Variants in UNC5C observed in about 807,000 individuals in gnomAD.
UNC5C encodes unc-5 netrin receptor C.
A neutral mutation model predicts 99.8 loss-of-function variants in UNC5C; 47 were observed. That is an observed-to-expected ratio of 0.47 (90% CI 0.37 to 0.60). The LOEUF (loss-of-function observed/expected upper bound fraction) is 0.60. Ranked by LOEUF, UNC5C falls within the 20% of genes least tolerant of loss-of-function variation. The pLI, the probability that UNC5C is intolerant of heterozygous loss-of-function variation, is 0.00. For missense variants in UNC5C, 1,062 were observed against 1,165.9 expected (o/e 0.91, Z 1.30); for synonymous variants, 487 against 452.2 (o/e 1.08, Z -0.98).
intron 3 of UNC5C, among the ~76,000 whole-genome samples, chr4:95,300,294 T>C (rs556705419): frequency 2.0e-5 from 3 of 152,332 alleles, no homozygotes; most frequent in African/African-American, 4.8e-5. Context: ...GGTGATAACA[T>C]GCATATTAGT....
In UNC5C at chr4:95,163,100, A is replaced by C. The variant is rs539212452; in HGVS notation, c.*6134T>G. ...TCCCTGCAACTGGGCTCGATGCATT[A>C]TGTCTGGAGGGCGAGGGCTGCGCTA... is the stretch of plus-strand genomic sequence containing the variant. On this transcript the variant is annotated 3_prime_UTR_variant, in exon 16 of 16. Coordinates refer to ENST00000453304, the MANE Select transcript of UNC5C (RefSeq NM_003728.4). 2 of 152,278 alleles carry C rather than the reference A, an allele frequency of 1.3e-5. No homozygotes were observed. Among genetic ancestry groups the C allele is most frequent in the Non-Finnish European group, 2.9e-5 (2 of 68,106 alleles). The allele number at this position is 152,278 out of a possible 1,614,324, so 9.4% of individuals were successfully genotyped here. A position where few individuals can be genotyped will look rare whatever the true frequency, so the allele number is the denominator to read the frequency against.
chr4:95,478,589 G>A (rs1414170354), intron 1 of UNC5C, among the ~76,000 whole-genome samples: 2 of 152,068 alleles, frequency 1.3e-5, no homozygotes, highest in South Asian at 2.1e-4. Flanking sequence ...TGACACTGAT[G>A]TGTATGTATC....
intron 1 of UNC5C, among the ~76,000 whole-genome samples, chr4:95,482,898 T>C (rs1157442998): frequency 7.5e-6 from 1 of 132,452 alleles, no homozygotes. Context: ...TTAGGAGATA[T>C]ACCTAATGCT....
chr4:95,548,707 G>A, intron 1 of UNC5C, 27 bp downstream of exon 1: 2 of 1,609,744 alleles, frequency 1.2e-6, no homozygotes, highest in Middle Eastern at 1.7e-4. Context: ...AAGGGAGGTG[G>A]CCGCGGAGCT....
chr4:95,493,910 A>T (rs2149482185), intron 1 of UNC5C, among the ~76,000 whole-genome samples: 1 of 151,620 alleles, frequency 6.6e-6, no homozygotes, highest in Non-Finnish European at 1.5e-5. Flanking sequence ...TGTACAGTTA[A>T]TATTCTCTAT....
intron 4 of UNC5C, among the ~76,000 whole-genome samples, chr4:95,256,713 T>C (rs759167963): frequency 1.4e-4 from 20 of 143,848 alleles, no homozygotes; most frequent in Non-Finnish European, 3.0e-4. Flanking sequence ...TATATATATA[T>C]ATATATATGA....
rs376263389 is a variant in UNC5C, at chr4:95,185,223, G to A, written c.2137-27C>T. 38 of 1,579,020 alleles carry A rather than the reference G, an allele frequency of 2.4e-5. No individual in the cohort carries two copies. In the African/African-American group the frequency reaches 2.9e-4, roughly 12 times the overall value. ...TATAATGACATGCCCCAAACCCAAA[G>A]CACGTTATTGATTTGGATCACTTCT... On this transcript the variant is annotated intron_variant, in intron 12 of 15. Transcript: ENST00000453304.
At position 95,206,539 on chromosome 4, in the gene UNC5C, G is replaced by A; in HGVS notation, c.1902+89C>T. 3.2e-6 allele frequency: 5 copies of A among 1,566,328 alleles called. No individual in the cohort carries two copies. The South Asian group carries it at 3.6e-5, about 11-fold the overall frequency. ...TGAGCTAAAATTCCACTCATGTTTT[G>A]CTTTATAAATAAAAGGCCTCCCATA... On this transcript the variant is annotated intron_variant, in intron 11 of 15. Coordinates refer to ENST00000453304, the MANE Select transcript of UNC5C (RefSeq NM_003728.4).
rs1387514660 is a variant in UNC5C, at chr4:95,164,586, T to C, written c.*4648A>G. ...ACTCGAGAGGTAAAAAAATGTTTTG[T>C]TAACTTGAGATAATAAAATATTTTC... is the stretch of plus-strand genomic sequence containing the variant. On this transcript the variant is annotated 3_prime_UTR_variant, in exon 16 of 16. Transcript: ENST00000453304. 1 of 152,220 alleles carries C rather than the reference T, an allele frequency of 6.6e-6. No homozygotes were observed. The highest frequency in any genetic ancestry group is 1.5e-5 in the Non-Finnish European group (1 of 68,038). The allele number at this position is 152,220 out of a possible 1,614,324, so 9.4% of individuals were successfully genotyped here. A position where few individuals can be genotyped will look rare whatever the true frequency, so the allele number is the denominator to read the frequency against.
At chr4:95,539,080 A>G (rs1285226543) in intron 1 of UNC5C, among the ~76,000 whole-genome samples, 3 of 152,216 alleles carry the variant, frequency 2.0e-5, no homozygotes, top group Non-Finnish European at 4.4e-5. Flanking sequence ...CTCTTCTTCA[A>G]TCAGCCCACA....
chr4:95,217,847 A>G (rs1207690403), intron 9 of UNC5C, among the ~76,000 whole-genome samples: 1 of 152,246 alleles, frequency 6.6e-6, no homozygotes, highest in Non-Finnish European at 1.5e-5. Flanking sequence ...TCATGATTTT[A>G]AAGAGCATGC....
chr4:95,408,415 G>T lies in UNC5C; in HGVS notation c.125-72784C>A, dbSNP rs1184777083. Among the ~76,000 whole-genome samples, 5 of 152,050 alleles carry T rather than the reference G, an allele frequency of 3.3e-5. No homozygotes were observed. The South Asian group carries it at 1.0e-3, about 31-fold the overall frequency. On this transcript the variant is annotated intron_variant, in intron 1 of 15. Transcript: ENST00000453304. ...AAATGCATTCAGTCTGTTTTCATTAGTGCTTTTGTCTTTGGAGTCAATCAT... is the reference window on the plus strand; with the variant it reads ...AAATGCATTCAGTCTGTTTTCATTATTGCTTTTGTCTTTGGAGTCAATCAT...
chr4:95,534,847 A>G (rs1420492157), intron 1 of UNC5C, among the ~76,000 whole-genome samples: 1 of 152,080 alleles, frequency 6.6e-6, no homozygotes, highest in African/African-American at 2.4e-5. Context: ...TTGCTTGGAA[A>G]TTTCAGTTTA....
At chr4:95,287,424 C>T (rs867818431) in intron 3 of UNC5C, among the ~76,000 whole-genome samples, 4 of 152,252 alleles carry the variant, frequency 2.6e-5, no homozygotes, top group African/African-American at 4.8e-5. Context: ...ACATTCTTTT[C>T]GGAACCAATG....
At position 95,361,837 on chromosome 4, in the gene UNC5C, C is replaced by T. The variant is rs116371773; in HGVS notation, c.125-26206G>A. Among the ~76,000 whole-genome samples the T allele has an allele frequency of 4.8e-3, 736 of 152,140 alleles. 5 individuals carry two copies. The highest frequency in any genetic ancestry group is 0.017 in the African/African-American group (706 of 41,512). On this transcript the variant is annotated intron_variant, in intron 1 of 15. Coordinates refer to ENST00000453304, the MANE Select transcript of UNC5C (RefSeq NM_003728.4). ...GAAATCAAGCTGAATCATACTGAAC[C>T]AAAGGCTCAAAAAATAGTCTTATGA...
In UNC5C at chr4:95,356,193, C is replaced by CAAAAAAAAAAA. The variant is rs59097041; in HGVS notation, c.125-20573_125-20563dup. 6.2e-4 allele frequency among the ~76,000 whole-genome samples: 36 copies of CAAAAAAAAAAA among 57,830 alleles called. 1 individual carries two copies. Among genetic ancestry groups the CAAAAAAAAAAA allele is most frequent in the African/African-American group, 7.9e-4 (10 of 12,644 alleles). 37.9% of individuals were successfully genotyped at this position (57,830 alleles called of 152,430 possible). On this transcript the variant is annotated intron_variant, in intron 1 of 15. Transcript: ENST00000453304. ...TGGGTGACAGAGGAAGACCCTGTAG[C>CAAAAAAAAAAA]AAAAAAAAAAAAAAAAAAACAAAAC... is the stretch of plus-strand genomic sequence containing the variant.
At chr4:95,307,800 G>A (rs1742115002) in intron 2 of UNC5C, among the ~76,000 whole-genome samples, 2 of 152,152 alleles carry the variant, frequency 1.3e-5, no homozygotes, top group African/African-American at 4.8e-5. Context: ...TCCCTGGGAT[G>A]CAAGGATGTT....
At chr4:95,437,431 G>A (rs1367929168) in intron 1 of UNC5C, among the ~76,000 whole-genome samples, 1 of 151,664 alleles carries the variant, frequency 6.6e-6, no homozygotes, top group African/African-American at 2.4e-5. Context: ...TCGTATAAAT[G>A]AGAAAAAAAG....
chr4:95,527,669 A>G (rs1183948031), intron 1 of UNC5C, among the ~76,000 whole-genome samples: 1 of 152,152 alleles, frequency 6.6e-6, no homozygotes, highest in Non-Finnish European at 1.5e-5. Flanking sequence ...TTTTATGGAC[A>G]TATAATTTCC....
Sources: allele counts gnomAD v4.1 joint callset (sites outside exome capture counted in the v4.1 genomes callset), GRCh38; gene constraint gnomAD v4.1.1; transcripts MANE v1.5; gene names NCBI Gene and HGNC (gene_info 2026-07-23, HGNC 2026-07-21).